BIRC6: variants seen among roughly 807,000 people sequenced by gnomAD.
BIRC6 encodes the protein baculoviral IAP repeat containing 6.
In BIRC6, 98 loss-of-function variants were observed where a neutral mutation model predicts 503.3. The ratio of observed to expected loss-of-function variants is 0.19; its 90% CI spans 0.17 to 0.23. The LOEUF (loss-of-function observed/expected upper bound fraction) is 0.23, where lower values mean the gene tolerates loss of function less well. BIRC6 is among the 10% of genes least tolerant of loss of function. BIRC6 has a pLI of 1.00. For synonymous variants in BIRC6, 2,240 were observed against 2,078.7 expected (o/e 1.08, Z -2.11); for missense variants, 5,360 against 5,806.0 (o/e 0.92, Z 2.50).
At chr2:32,392,517 A>G (rs1004707711) in intron 5 of BIRC6, among the ~76,000 whole-genome samples, 6 of 152,170 alleles carry the variant, frequency 3.9e-5, no homozygotes, top group African/African-American at 1.4e-4. Flanking sequence ...CGGCCTCCCA[A>G]AGTGCTGGGA....
chr2:32,407,514 C>G (rs2041374224), intron 9 of BIRC6, among the ~76,000 whole-genome samples: 1 of 149,812 alleles, frequency 6.7e-6, no homozygotes, highest in African/African-American at 2.5e-5. Flanking sequence ...CTGGGAAGTA[C>G]CCAGTATTTT....
intron 46 of BIRC6, among the ~76,000 whole-genome samples, chr2:32,500,962 C>G (rs1351358199): frequency 6.6e-6 from 1 of 151,832 alleles, no homozygotes; most frequent in East Asian, 1.9e-4. Context: ...GTCTTGAACT[C>G]TTATTTCACA....
In BIRC6 at chr2:32,481,413, T is replaced by G. The variant is rs748417092; in HGVS notation, c.7502T>G (p.Ile2501Ser). Residue 2501 changes from isoleucine to serine, a missense_variant, in exon 38 of 74, where the codon ATT becomes AGT. Transcript: ENST00000421745. ...GAAGTTGACATTGATCCTTTAGATA[T>G]TGATTTGGAAAAGGACCCTCTTGCA... is the stretch of plus-strand genomic sequence containing the variant. Reference protein sequence around the residue: ...LMEVDIDPLDIDLEKDPLAAK... With the variant: ...LMEVDIDPLDSDLEKDPLAAK... 1 of 1,612,264 alleles carries G rather than the reference T, an allele frequency of 6.2e-7. No individual in the cohort carries two copies. The highest frequency in any genetic ancestry group is 8.5e-7 in the Non-Finnish European group (1 of 1,179,102).
chr2:32,532,239 AC>A (rs1187861722), intron 61 of BIRC6: 2 of 529,504 alleles, frequency 3.8e-6, no homozygotes, highest in Non-Finnish European at 7.7e-6. Context: ...AATACCACAA[AC>A]GGGCTGGCTT....
At chr2:32,522,831 C>G (rs1421518001) in intron 57 of BIRC6, 1 of 152,098 alleles carries the variant, frequency 6.6e-6, no homozygotes, top group Non-Finnish European at 1.5e-5. Context: ...TCTTGAAGAC[C>G]CTGTATAGAT....
rs530276942 is a variant in BIRC6 at position 32,549,430 on chromosome 2, A to C, written c.13093A>C (p.Ser4365Arg). Residue 4365 changes from serine (S) to arginine (R), a missense_variant, in exon 65 of 74, where the codon AGT becomes CGT. This residue lies in a region of BIRC6 where 477 missense variants were observed against 574.4 expected (regional missense o/e 0.83). Transcript: ENST00000421745. ...TCCTTCTGTACTTCTCGAGCTTCTC[A>C]GTCAGTCCTGCCTCATCCCAGCCAT... ...ALPSVLLELL[S>R]QSCLIPAMSS... is the part of the protein sequence containing the mutation. 4 of 1,506,248 alleles carry C rather than the reference A, an allele frequency of 2.7e-6. No homozygotes were observed. The African/African-American group carries it at 5.4e-5, about 20-fold the overall frequency. The allele number at this position is 1,506,248 out of a possible 1,614,324, so 93.3% of individuals were successfully genotyped here. A position where few individuals can be genotyped will look rare whatever the true frequency, so the allele number is the denominator to read the frequency against.
intron 36 of BIRC6, 148 bp from the exon 37 acceptor site, chr2:32,479,314 G>C (rs903957793): frequency 2.9e-6 from 2 of 688,200 alleles, no homozygotes; most frequent in South Asian, 4.2e-5. Flanking sequence ...CATTCCTTAC[G>C]GGGGTGGGAA....
rs868459061 is a variant in BIRC6 at position 32,431,044 on chromosome 2, G to A, written c.3202G>A (p.Gly1068Ser). Residue 1068 changes from glycine (G) to serine (S), a missense_variant, in exon 12 of 74, where the codon GGT becomes AGT. Physicochemically the swap from Gly to Ser is moderately conservative, Grantham distance 56. This residue lies in a region of BIRC6 where 8 missense variants were observed against 29.3 expected (regional missense o/e 0.27). Transcript: ENST00000421745. Reference protein sequence around the residue: ...HPQHLHQQHHGDAAQHTRTWK... With the variant: ...HPQHLHQQHHSDAAQHTRTWK... ...TCAACATTTGCATCAGCAACACCATGGTGATGCTGCTCAGCATACTCGAAC... is the reference window on the plus strand; with the variant it reads ...TCAACATTTGCATCAGCAACACCATAGTGATGCTGCTCAGCATACTCGAAC... The A allele has an allele frequency of 6.2e-7, 1 of 1,613,152 alleles. No individual in the cohort carries two copies. The highest frequency in any genetic ancestry group is 8.5e-7 in the Non-Finnish European group (1 of 1,179,718).
intron 21 of BIRC6, among the ~76,000 whole-genome samples, chr2:32,447,647 C>G (rs1350993368): frequency 8.3e-6 from 1 of 120,488 alleles, no homozygotes; most frequent in Non-Finnish European, 1.8e-5. Context: ...GCTGGCCGGG[C>G]AGGGGGCTGA....
In BIRC6 at chr2:32,498,124, C is replaced by G. The variant is rs113287150; in HGVS notation, c.8469-1423C>G. On this transcript the variant is annotated intron_variant, in intron 45 of 73. Coordinates refer to ENST00000421745, the MANE Select transcript of BIRC6 (RefSeq NM_016252.4). The stretch of plus-strand genomic sequence containing the variant: ...TCGCACAGGTTGGAGCGTAGTGGTG[C>G]GATCTTGGCTCTCTGCAACCTCCGC... Among the ~76,000 whole-genome samples, 369 of 152,228 alleles carry G rather than the reference C, an allele frequency of 2.4e-3. 1 individual carries two copies. The highest frequency in any genetic ancestry group is 3.7e-3 in the Non-Finnish European group (251 of 68,018).
At chr2:32,595,642 A>G (rs2061629236) in intron 68 of BIRC6, among the ~76,000 whole-genome samples, 1 of 152,236 alleles carries the variant, frequency 6.6e-6, no homozygotes, top group South Asian at 2.1e-4. Flanking sequence ...ATTTATGAGA[A>G]AACACATACC....
intron 12 of BIRC6, among the ~76,000 whole-genome samples, chr2:32,431,894 A>G (rs2044164990): frequency 6.6e-6 from 1 of 152,268 alleles, no homozygotes; most frequent in Admixed American, 6.5e-5. Flanking sequence ...GAGTATGGCA[A>G]TAGAGTAGTA....
chr2:32,390,547 T>C (rs1480651184), intron 4 of BIRC6, among the ~76,000 whole-genome samples: 1 of 152,098 alleles, frequency 6.6e-6, no homozygotes, highest in Non-Finnish European at 1.5e-5. Context: ...ACTCCTGACC[T>C]CAAGGTGATC....
intron 8 of BIRC6, among the ~76,000 whole-genome samples, chr2:32,402,122 C>T (rs927435101): frequency 3.0e-5 from 4 of 134,806 alleles, no homozygotes; most frequent in Non-Finnish European, 5.1e-5. Flanking sequence ...AGTTGAGATA[C>T]CATAATTATT....
chr2:32,613,898 G>A (rs1168056561), intron 73 of BIRC6, among the ~76,000 whole-genome samples: 1 of 151,148 alleles, frequency 6.6e-6, no homozygotes, highest in Non-Finnish European at 1.5e-5. Context: ...TTTTTTTTCT[G>A]TCTTTCTGTT....
intron 68 of BIRC6, among the ~76,000 whole-genome samples, chr2:32,596,552 G>C (rs965107340): frequency 2.0e-5 from 3 of 151,648 alleles, no homozygotes; most frequent in Non-Finnish European, 4.4e-5. Context: ...CATAGTGCCT[G>C]TTATGACCTT....
At chr2:32,584,520 G>T (rs2060898985) in intron 66 of BIRC6, among the ~76,000 whole-genome samples, 1 of 152,072 alleles carries the variant, frequency 6.6e-6, no homozygotes, top group African/African-American at 2.4e-5. Flanking sequence ...GCTACAGAAT[G>T]ATACTCCGTC....
Position 32,415,539 on chromosome 2 carries a change from C to T in BIRC6, c.2248C>T (p.Arg750Trp), listed in dbSNP as rs767290726. 2 of 1,613,808 alleles carry T rather than the reference C, an allele frequency of 1.2e-6. No individual in the cohort carries two copies. Among genetic ancestry groups the T allele is most frequent in the Non-Finnish European group, 1.7e-6 (2 of 1,179,894 alleles). Residue 750 changes from arginine to tryptophan, a missense_variant, in exon 10 of 74, where the codon CGG becomes TGG. This residue lies in a region of BIRC6 where 700 missense variants were observed against 739.3 expected (regional missense o/e 0.95). Coordinates refer to ENST00000421745, the MANE Select transcript of BIRC6 (RefSeq NM_016252.4). The stretch of plus-strand genomic sequence containing the variant: ...CGGAATTCATTTGTTGGTAGGACTG[C>T]GGACATGCCCTGTTGAATCCTTGAG... The part of the protein sequence containing the change: ...ADGIHLLVGL[R>W]TCPVESLSAI...
chr2:32,562,957 C>T (rs1394198256), intron 65 of BIRC6, among the ~76,000 whole-genome samples: 1 of 152,142 alleles, frequency 6.6e-6, no homozygotes, highest in African/African-American at 2.4e-5. Context: ...TTTATTCTTT[C>T]GTGAGTACCA....
Sources: allele counts gnomAD v4.1 joint callset (sites outside exome capture counted in the v4.1 genomes callset), GRCh38; gene constraint gnomAD v4.1.1; regional missense constraint gnomAD v4.1.1; transcripts MANE v1.5; gene names NCBI Gene and HGNC (gene_info 2026-07-23, HGNC 2026-07-21).